The following SMYD3 variants were observed in gnomAD, a reference collection of about 807,000 sequenced individuals.
SMYD3 encodes the protein histone-lysine N-methyltransferase SMYD3.
Under a neutral mutation model 57.7 loss-of-function variants are expected in SMYD3, and 36 were observed. The observed-to-expected ratio is 0.62, with a 90% confidence interval of 0.48 to 0.82. The LOEUF (loss-of-function observed/expected upper bound fraction) is 0.82. SMYD3 is among the 40% of genes least tolerant of loss of function. The pLI, the probability that SMYD3 is intolerant of heterozygous loss-of-function variation, is 0.00. For missense variants in SMYD3, 515 were observed against 538.8 expected, an observed-to-expected ratio of 0.96 and a Z score of 0.44; for synonymous variants, 211 against 195.0, an observed-to-expected ratio of 1.08 and a Z score of -0.68.
chr1:246,456,507 A>C (rs1267550598), intron 1 of SMYD3, among the ~76,000 whole-genome samples: 1 of 152,136 alleles, frequency 6.6e-6, no homozygotes, highest in Admixed American at 6.5e-5. Context: ...ATACCTACTC[A>C]TCCACCAACA....
chr1:246,286,880 G>GT (rs35900118), intron 5 of SMYD3, among the ~76,000 whole-genome samples: 18,873 of 137,400 alleles, frequency 0.14, 1,594 homozygotes, highest in East Asian at 0.31. Flanking sequence ...CTTTTTTTTT[G>GT]TTTTTTTTTT....
At chr1:246,044,348 T>G (rs561108523) in intron 5 of SMYD3, among the ~76,000 whole-genome samples, 1 of 152,310 alleles carries the variant, frequency 6.6e-6, no homozygotes, top group African/African-American at 2.4e-5. Context: ...ACACAGGTGT[T>G]CATACAGTAA....
chr1:245,952,131 C>T (rs57565465), intron 5 of SMYD3, among the ~76,000 whole-genome samples: 2,914 of 152,080 alleles, frequency 0.019, 75 homozygotes, highest in African/African-American at 0.055. Flanking sequence ...AACAGAAATA[C>T]CTGTAAATAA....
At chr1:246,174,022 T>C (rs1356495484) in intron 5 of SMYD3, among the ~76,000 whole-genome samples, 6 of 152,106 alleles carry the variant, frequency 3.9e-5, no homozygotes, top group Non-Finnish European at 5.9e-5. Context: ...GCTACTCAGA[T>C]TGGTCTCAAA....
intron 5 of SMYD3, among the ~76,000 whole-genome samples, chr1:246,013,653 G>A (rs540478092): frequency 1.3e-5 from 2 of 152,262 alleles, no homozygotes; most frequent in South Asian, 4.1e-4. Context: ...TGACTGATGG[G>A]TAAATCACCA....
intron 11 of SMYD3, among the ~76,000 whole-genome samples, chr1:245,751,334 T>C (rs1357207683): frequency 1.3e-5 from 2 of 152,170 alleles, no homozygotes; most frequent in Non-Finnish European, 2.9e-5. Context: ...CGCCTGCATT[T>C]TGCAATTCTG....
chr1:245,801,050 G>T (rs1282669221), intron 10 of SMYD3, among the ~76,000 whole-genome samples: 1 of 152,120 alleles, frequency 6.6e-6, no homozygotes, highest in Non-Finnish European at 1.5e-5. Context: ...TATTATGCAG[G>T]GGGGCCAGAA....
intron 5 of SMYD3, among the ~76,000 whole-genome samples, chr1:246,233,024 A>C (rs2063441553): frequency 7.4e-6 from 1 of 135,426 alleles, no homozygotes; most frequent in African/African-American, 2.7e-5. Flanking sequence ...CACTGTGATG[A>C]ACATATACCA....
At chr1:245,971,521 A>C (rs1226611027) in intron 5 of SMYD3, among the ~76,000 whole-genome samples, 1 of 152,134 alleles carries the variant, frequency 6.6e-6, no homozygotes, top group African/African-American at 2.4e-5. Flanking sequence ...CAGTTTATAC[A>C]ATCTATTAAG....
chr1:246,326,404 G>GAA, intron 5 of SMYD3: 13 of 613,468 alleles, frequency 2.1e-5, no homozygotes, highest in East Asian at 1.3e-4. Flanking sequence ...GGCTAGTGAA[G>GAA]AAAAAAAAAA....
intron 5 of SMYD3, among the ~76,000 whole-genome samples, chr1:246,306,757 T>G (rs1374964795): frequency 1.3e-5 from 2 of 152,224 alleles, no homozygotes; most frequent in Non-Finnish European, 2.9e-5. Context: ...GCTAGACATT[T>G]TCATTACAGA....
rs571330563 is a variant in SMYD3 at position 246,252,535 on chromosome 1, T to C, written c.531+74666A>G. On this transcript the variant is annotated intron_variant, in intron 5 of 11. Transcript: ENST00000490107. ...TCTAAAATATTATAAATTTATTCTG[T>C]TAAAGGTTTCTGTTTAAAAAAAAAT... Among the ~76,000 whole-genome samples, 8 of 151,812 alleles carry C rather than the reference T, an allele frequency of 5.3e-5. 1 individual carries two copies. Among genetic ancestry groups the C allele is most frequent in the African/African-American group, 1.9e-4 (8 of 41,122 alleles).
chr1:245,768,906 C>A (rs2046227144), intron 10 of SMYD3, among the ~76,000 whole-genome samples: 1 of 152,122 alleles, frequency 6.6e-6, no homozygotes, highest in Admixed American at 6.5e-5. Context: ...AAAAAAAATT[C>A]TGTTCTTGGT....
At chr1:246,477,555 C>A (rs550023831) in intron 1 of SMYD3, among the ~76,000 whole-genome samples, 1 of 152,306 alleles carries the variant, frequency 6.6e-6, no homozygotes, top group Non-Finnish European at 1.5e-5. Flanking sequence ...GTGTGACCTA[C>A]GGGCAGATTT....
rs2045248486 is a variant in SMYD3, at chr1:245,749,616, C to T, written c.1234G>A (p.Glu412Lys). The T allele has an allele frequency of 6.2e-6, 10 of 1,614,176 alleles. No individual in the cohort carries two copies. Among genetic ancestry groups the T allele is most frequent in the Non-Finnish European group, 8.5e-6 (10 of 1,180,036 alleles). Residue 412 changes from glutamate (E) to lysine (K), a missense_variant, in exon 12 of 12, where the codon GAA becomes AAA. Coordinates refer to ENST00000490107, the MANE Select transcript of SMYD3 (RefSeq NM_001167740.2). ...VTHGREHSLI[E>K]DLILLLEECD... ...TCTTCTAAAAGTAGAATCAAATCTT[C>T]AATCAGGCTGTGTTCTCTGCCATGT...
intron 10 of SMYD3, among the ~76,000 whole-genome samples, chr1:245,790,529 T>C (rs891840222): frequency 1.3e-5 from 2 of 152,180 alleles, no homozygotes; most frequent in African/African-American, 4.8e-5. Flanking sequence ...TATACTTGGC[T>C]CCAAACCAGG....
intron 5 of SMYD3, among the ~76,000 whole-genome samples, chr1:246,296,162 GCAGA>G (rs1471622070): frequency 6.6e-6 from 1 of 152,178 alleles, no homozygotes; most frequent in Non-Finnish European, 1.5e-5. Flanking sequence ...TGCAGACTAT[GCAGA>G]CAGAGAAACT....
At chr1:246,154,905 A>C (rs773719274) in intron 5 of SMYD3, among the ~76,000 whole-genome samples, 1 of 151,536 alleles carries the variant, frequency 6.6e-6, no homozygotes, top group Non-Finnish European at 1.5e-5. Context: ...CCTCAGCTTC[A>C]TAAGAAGCTG....
chr1:246,349,174 G>A (rs560358085), intron 2 of SMYD3, among the ~76,000 whole-genome samples: 64 of 152,186 alleles, frequency 4.2e-4, no homozygotes, highest in African/African-American at 1.5e-3. Context: ...AGAAGGAATA[G>A]GTGAAGGTAA....
Sources: gnomAD v4.1 joint callset for allele counts (sites outside exome capture counted in the v4.1 genomes callset) on GRCh38, gnomAD v4.1.1 for gene constraint, MANE v1.5 for transcripts, NCBI Gene and HGNC (gene_info 2026-07-23, HGNC 2026-07-21) for gene names.